The following CAMTA1 variants were observed in gnomAD, a reference collection of about 807,000 sequenced individuals.
CAMTA1 encodes calmodulin-binding transcription activator 1.
A neutral mutation model predicts 170.9 loss-of-function variants in CAMTA1; 27 were observed. The observed-to-expected ratio is 0.16, with a 90% CI of 0.12 to 0.22. The LOEUF is 0.22. Among genes scored for constraint, CAMTA1 ranks in the 10% least tolerant of loss-of-function variants. The pLI, the probability that CAMTA1 is intolerant of heterozygous loss-of-function variation, is 1.00. For synonymous variants in CAMTA1, 833 were observed against 891.5 expected (o/e 0.93, Z 1.17); for missense variants, 1,619 against 2,217.2 (o/e 0.73, Z 5.42).
chr1:6,900,487 T>G (rs1676691969), intron 3 of CAMTA1, among the ~76,000 whole-genome samples: 1 of 152,148 alleles, frequency 6.6e-6, no homozygotes, highest in African/African-American at 2.4e-5. Flanking sequence ...ACAGTCAAAT[T>G]AATCTAACTC....
intron 5 of CAMTA1, among the ~76,000 whole-genome samples, chr1:7,291,361 G>A (rs1018890288): frequency 5.3e-5 from 8 of 152,136 alleles, no homozygotes; most frequent in Non-Finnish European, 1.2e-4. Context: ...CCAGTTCTGC[G>A]CTGGAGTAGT....
In CAMTA1 at chr1:7,748,101, C is replaced by T. The variant is rs1472543446; in HGVS notation, c.4689+320C>T. On this transcript the variant is annotated intron_variant, in intron 19 of 22. Transcript: ENST00000303635. The surrounding 1 kb of genome is among the most constrained non-coding windows in gnomAD (Gnocchi z 4.7). The stretch of plus-strand genomic sequence containing the variant: ...CTGATTTTTCTAGTTTTAGTAGAGT[C>T]GGGGTTTCACCATGTTGCCAGGCTG... Among the ~76,000 whole-genome samples the T allele has an allele frequency of 2.0e-5, 3 of 151,934 alleles. No homozygotes were observed. The highest frequency in any genetic ancestry group is 2.9e-5 in the Non-Finnish European group (2 of 67,940).
chr1:7,662,628 A>C (rs948298402), intron 8 of CAMTA1, among the ~76,000 whole-genome samples: 2 of 152,208 alleles, frequency 1.3e-5, no homozygotes, highest in Non-Finnish European at 2.9e-5. Context: ...AGGCTTTGCC[A>C]AGCTCAGAAA....
At chr1:7,540,886 T>G (rs2094602469) in intron 6 of CAMTA1, among the ~76,000 whole-genome samples, 1 of 152,354 alleles carries the variant, frequency 6.6e-6, no homozygotes. Context: ...ATTAGTTGAT[T>G]AGTTGCACAA....
intron 7 of CAMTA1, among the ~76,000 whole-genome samples, chr1:7,654,361 CAG>C: frequency 6.6e-6 from 1 of 152,024 alleles, no homozygotes; most frequent in South Asian, 2.1e-4. Flanking sequence ...GCCTGGGTGA[CAG>C]AGTGAGACCC....
rs534233413 is a variant in CAMTA1 at position 7,534,292 on chromosome 1, G to A, written c.510+66391G>A. On this transcript the variant is annotated intron_variant, in intron 6 of 22. Transcript: ENST00000303635. The surrounding 1 kb of genome is among the most constrained non-coding windows in gnomAD (Gnocchi z 5.6). ...TGGCTGGAGGCCGAGGCTGGGGGCC[G>A]CGGGGCTATTTTTAGTTTGCGTCAA... is the stretch of plus-strand genomic sequence containing the variant. Among the ~76,000 whole-genome samples the A allele has an allele frequency of 6.6e-5, 10 of 152,316 alleles. No homozygotes were observed. Among genetic ancestry groups the A allele is most frequent in the African/African-American group, 1.4e-4 (6 of 41,570 alleles).
chr1:7,009,947 G>T (rs1699552050), intron 3 of CAMTA1, among the ~76,000 whole-genome samples: 1 of 152,220 alleles, frequency 6.6e-6, no homozygotes, highest in African/African-American at 2.4e-5. Flanking sequence ...TGAGCTCTGG[G>T]CCTTGGCAGG....
chr1:7,763,942 C>T lies in CAMTA1; in HGVS notation c.4990-2517C>T, dbSNP rs147123527. Among the ~76,000 whole-genome samples, 171 of 152,306 alleles carry T rather than the reference C, an allele frequency of 1.1e-3. 2 individuals are homozygous for T. Among genetic ancestry groups the T allele is most frequent in the African/African-American group, 3.8e-3 (158 of 41,558 alleles). On this transcript the variant is annotated intron_variant, in intron 22 of 22. Transcript: ENST00000303635. The stretch of plus-strand genomic sequence containing the variant: ...AAAATGTAGCATTTGAAGTGGCATG[C>T]ACACGCTGCAGAAATTCAGCAGATA...
chr1:7,227,639 C>T (rs1661963370), intron 4 of CAMTA1, among the ~76,000 whole-genome samples: 1 of 152,200 alleles, frequency 6.6e-6, no homozygotes, highest in African/African-American at 2.4e-5. Context: ...GAACTCATCC[C>T]TTTGTAAACG....
At chr1:7,215,901 G>A (rs898640727) in intron 4 of CAMTA1, among the ~76,000 whole-genome samples, 13 of 152,290 alleles carry the variant, frequency 8.5e-5, no homozygotes, top group African/African-American at 3.1e-4. Flanking sequence ...TAAGGAGAAG[G>A]TATAGTAGAT....
chr1:7,312,491 G>A (rs1248479464), intron 5 of CAMTA1, among the ~76,000 whole-genome samples: 3 of 152,102 alleles, frequency 2.0e-5, no homozygotes, highest in South Asian at 4.2e-4. Flanking sequence ...GGCTCTTTCA[G>A]GGGTGTTTCT....
At chr1:7,709,641 G>A (rs1012896939) in intron 11 of CAMTA1, among the ~76,000 whole-genome samples, 9 of 152,180 alleles carry the variant, frequency 5.9e-5, no homozygotes, top group African/African-American at 1.9e-4. Flanking sequence ...TGAGAATATT[G>A]GCCAGAAGCC....
At chr1:6,788,728 G>A (rs747290617) in intron 1 of CAMTA1, among the ~76,000 whole-genome samples, 2 of 152,070 alleles carry the variant, frequency 1.3e-5, no homozygotes, top group Non-Finnish European at 2.9e-5. Flanking sequence ...TCCCTGGTAA[G>A]CAGGGGGCTC....
rs189081370 is a variant in CAMTA1, at chr1:6,939,227, C to T, written c.234+114017C>T. On this transcript the variant is annotated intron_variant, in intron 3 of 22. Transcript: ENST00000303635. Reference sequence around the variant, plus strand: ...CATCACTAGTTCAGCAGGGGAACTGCGGGCAAAGAAATTAATACTGATTTT... The same window carrying T: ...CATCACTAGTTCAGCAGGGGAACTGTGGGCAAAGAAATTAATACTGATTTT... Among the ~76,000 whole-genome samples the T allele has an allele frequency of 1.1e-3, 167 of 152,280 alleles. 1 individual carries two copies. Among genetic ancestry groups the T allele is most frequent in the Admixed American group, 5.9e-3 (91 of 15,296 alleles).
chr1:7,663,468 C>T lies in CAMTA1; in HGVS notation c.921C>T (p.Asp307=), dbSNP rs1470865954. 8 of 1,594,634 alleles carry T rather than the reference C, an allele frequency of 5.0e-6. No individual in the cohort carries two copies. The highest frequency in any genetic ancestry group is 1.7e-5 in the Admixed American group (1 of 59,352). The change falls in exon 9 of 23, where the codon GAC becomes GAT. Residue 307 remains aspartate (D), a synonymous_variant. Coordinates refer to ENST00000303635, the MANE Select transcript of CAMTA1 (RefSeq NM_015215.4). ...YGSHSEVQHN[D]VSEGKHEHSH... is the part of the protein sequence containing the mutation. The stretch of plus-strand genomic sequence containing the variant: ...GCCACTCGGAGGTGCAGCACAATGA[C>T]GTGTCGGAGGGCAAGCACGAGCACA...
rs57416752 is a variant in CAMTA1 at position 7,123,128 on chromosome 1, T to A, written c.302+31757T>A. ...TTTCCAGGAGCTGACCTGACAAGTT[T>A]CCACATCTGGGTAGCTTCAACAATA... On this transcript the variant is annotated intron_variant, in intron 4 of 22. Coordinates refer to ENST00000303635, the MANE Select transcript of CAMTA1 (RefSeq NM_015215.4). Among the ~76,000 whole-genome samples the A allele has an allele frequency of 9.3e-3, 1,423 of 152,222 alleles. 29 individuals are homozygous for A. Among genetic ancestry groups the A allele is most frequent in the African/African-American group, 0.032 (1,336 of 41,526 alleles).
chr1:6,840,121 C>T (rs1461848443), intron 3 of CAMTA1, among the ~76,000 whole-genome samples: 1 of 152,112 alleles, frequency 6.6e-6, no homozygotes, highest in African/African-American at 2.4e-5. Context: ...ATTGCTTGAA[C>T]CTGGGAGGCA....
At chr1:7,276,293 A>ATTTTTTTTTTTTTT (rs1372402055) in intron 5 of CAMTA1, among the ~76,000 whole-genome samples, 1 of 22,058 alleles carries the variant, frequency 4.5e-5, no homozygotes, top group Admixed American at 4.0e-4. Context: ...ATATATATAT[A>ATTTTTTTTTTTTTT]TATATATATA....
At chr1:7,289,053 T>C (rs4908453) in intron 5 of CAMTA1, among the ~76,000 whole-genome samples, 49,724 of 151,924 alleles carry the variant, frequency 0.33, 9,149 homozygotes, top group African/African-American at 0.5. Flanking sequence ...ATCTAGCCCT[T>C]CACATGGCCA....
Sources: gnomAD v4.1 joint callset for allele counts (sites outside exome capture counted in the v4.1 genomes callset) on GRCh38, gnomAD v4.1.1 for gene constraint, Gnocchi (gnomAD v3.1) non-coding constraint, MANE v1.5 for transcripts, NCBI Gene and HGNC (gene_info 2026-07-23, HGNC 2026-07-21) for gene names.